Variants in PINX1 observed in about 807,000 individuals in gnomAD.
The protein encoded by PINX1 is PIN2/TERF1-interacting telomerase inhibitor 1.
In PINX1, 34 loss-of-function variants were observed where a neutral mutation model predicts 25.4. That is an observed-to-expected ratio of 1.34 (90% confidence interval 1.02 to 1.78). The LOEUF (loss-of-function observed/expected upper bound fraction) is 1.78. PINX1 is among the 40% of genes most tolerant of loss of function. The probability of loss-of-function intolerance (pLI) is 0.00; values close to 1 mark genes in which losing one functional copy is unlikely to be tolerated. For synonymous variants in PINX1, 197 were observed against 147.7 expected (o/e 1.33, Z -2.42); for missense variants, 592 against 404.9 (o/e 1.46, Z -3.97).
intron 6 of PINX1, among the ~76,000 whole-genome samples, chr8:10,819,058 G>A (rs1031129492): frequency 8.5e-5 from 13 of 152,178 alleles, no homozygotes; most frequent in African/African-American, 2.9e-4. Flanking sequence ...CCTCCCTAGT[G>A]ACCACTGCCT....
intron 6 of PINX1, among the ~76,000 whole-genome samples, chr8:10,770,614 A>G (rs1016062375): frequency 1.3e-5 from 2 of 152,246 alleles, no homozygotes; most frequent in African/African-American, 4.8e-5. Context: ...TCAAACATGT[A>G]TACTGAGATG....
chr8:10,772,927 ATT>A (rs71538086), intron 6 of PINX1, among the ~76,000 whole-genome samples: 135 of 146,576 alleles, frequency 9.2e-4, no homozygotes, highest in Non-Finnish European at 1.1e-3. Flanking sequence ...GTTTTTAATG[ATT>A]TTTTTTTTTT....
chr8:10,805,881 C>A (rs1802433815), intron 6 of PINX1, among the ~76,000 whole-genome samples: 1 of 113,360 alleles, frequency 8.8e-6, no homozygotes, highest in Non-Finnish European at 1.9e-5. Flanking sequence ...CAGGAAGGGG[C>A]CACACTAGTG....
At chr8:10,826,452 G>T (rs538587310) in intron 4 of PINX1, among the ~76,000 whole-genome samples, 1 of 152,266 alleles carries the variant, frequency 6.6e-6, no homozygotes, top group East Asian at 1.9e-4. Context: ...TCCTTAATTT[G>T]CATACTATGG....
chr8:10,781,372 C>A (rs1206640276), intron 6 of PINX1, among the ~76,000 whole-genome samples: 1 of 152,176 alleles, frequency 6.6e-6, no homozygotes, highest in Non-Finnish European at 1.5e-5. Flanking sequence ...TAAAAAGCTT[C>A]TGCACAGCAG....
At chr8:10,789,007 T>C (rs7820237) in intron 6 of PINX1, among the ~76,000 whole-genome samples, 49,487 of 147,454 alleles carry the variant, frequency 0.34, 9,331 homozygotes, top group Non-Finnish European at 0.43. Flanking sequence ...GGGGTGGGGA[T>C]TGAAGAGCAG....
chr8:10,820,417 A>G, intron 5 of PINX1, 148 bp from the exon 6 acceptor site: 1 of 679,538 alleles, frequency 1.5e-6, no homozygotes, highest in Non-Finnish European at 2.7e-6. Flanking sequence ...CCACTTTTTC[A>G]TTACAACTCT....
intron 1 of PINX1, among the ~76,000 whole-genome samples, chr8:10,835,807 A>T (rs1475796101): frequency 6.6e-6 from 1 of 152,200 alleles, no homozygotes; most frequent in East Asian, 1.9e-4. Context: ...AGAGGAAAAA[A>T]GGAAGGAAGG....
intron 1 of PINX1, among the ~76,000 whole-genome samples, chr8:10,839,049 A>T (rs1407792577): frequency 6.6e-6 from 1 of 152,154 alleles, no homozygotes; most frequent in Non-Finnish European, 1.5e-5. Context: ...TCAAAGCATG[A>T]CTGCCATCTG....
At chr8:10,804,088 C>G (rs1175443223) in intron 6 of PINX1, among the ~76,000 whole-genome samples, 1 of 152,204 alleles carries the variant, frequency 6.6e-6, no homozygotes, top group East Asian at 1.9e-4. Flanking sequence ...AAGCCATGGC[C>G]TCTGTCATAT....
chr8:10,802,757 G>C (rs575997823), intron 6 of PINX1, among the ~76,000 whole-genome samples: 1 of 152,298 alleles, frequency 6.6e-6, no homozygotes, highest in Non-Finnish European at 1.5e-5. Flanking sequence ...CCAGGGTGGG[G>C]GATGGGGTGC....
chr8:10,795,037 T>C (rs199921320), intron 6 of PINX1, among the ~76,000 whole-genome samples: 1 of 152,148 alleles, frequency 6.6e-6, no homozygotes, highest in East Asian at 1.9e-4. Context: ...AGGACAAATA[T>C]TATACTCATC....
intron 3 of PINX1, among the ~76,000 whole-genome samples, 158 bp from the exon 4 acceptor site, chr8:10,831,901 T>A (rs1798237887): frequency 6.6e-6 from 1 of 152,178 alleles, no homozygotes; most frequent in Non-Finnish European, 1.5e-5. Context: ...ATTCAAGAAA[T>A]AATATAAAGT....
chr8:10,807,819 A>T (rs990091677), intron 6 of PINX1, among the ~76,000 whole-genome samples: 4 of 152,148 alleles, frequency 2.6e-5, no homozygotes, highest in African/African-American at 9.7e-5. Context: ...GAGGAGCTAA[A>T]AGGAGCAAGG....
chr8:10,787,790 G>A, intron 6 of PINX1: 1 of 455,902 alleles, frequency 2.2e-6, no homozygotes, highest in Non-Finnish European at 4.4e-6. Context: ...GGGAAATTCT[G>A]TAAGACAAGG....
intron 6 of PINX1, among the ~76,000 whole-genome samples, chr8:10,768,593 A>G (rs954309254): frequency 6.6e-6 from 1 of 152,208 alleles, no homozygotes; most frequent in African/African-American, 2.4e-5. Flanking sequence ...TCTTCCCAGC[A>G]AAGTGCTGGC....
At chr8:10,831,784 T>C (rs761805992) in intron 3 of PINX1, 41 bp from the exon 4 acceptor site, 3 of 1,158,162 alleles carry the variant, frequency 2.6e-6, no homozygotes, top group African/African-American at 3.0e-5. Flanking sequence ...AAGCCTGTAG[T>C]TTACTTACAC....
chr8:10,825,364 A>C (rs756764869), intron 5 of PINX1: 3 of 534,836 alleles, frequency 5.6e-6, no homozygotes, highest in South Asian at 4.2e-5. Flanking sequence ...ATCAACAGAG[A>C]CTAGATATTA....
chr8:10,767,527 G>C (rs947790499), intron 6 of PINX1, among the ~76,000 whole-genome samples: 2 of 152,182 alleles, frequency 1.3e-5, no homozygotes, highest in Non-Finnish European at 2.9e-5. Flanking sequence ...ATTTGTGCTG[G>C]AATTCCATAG....
Sources: allele counts gnomAD v4.1 joint callset (sites outside exome capture counted in the v4.1 genomes callset), GRCh38; gene constraint gnomAD v4.1.1; transcripts MANE v1.5; gene names NCBI Gene and HGNC (gene_info 2026-07-23, HGNC 2026-07-21).